Variants in GMDS observed in about 807,000 individuals in gnomAD.
The protein encoded by GMDS is GDP-mannose 4,6 dehydratase.
A neutral mutation model predicts 49.9 loss-of-function variants in GMDS; 20 were observed. That is an observed-to-expected ratio of 0.40 (90% CI 0.28 to 0.58). The LOEUF (loss-of-function observed/expected upper bound fraction) is 0.58. GMDS is among the 20% of genes least tolerant of loss of function. GMDS has a pLI of 0.42. For missense variants in GMDS, 362 were observed against 481.4 expected (o/e 0.75, Z 2.32); for synonymous variants, 177 against 178.6 (o/e 0.99, Z 0.07).
intron 9 of GMDS, among the ~76,000 whole-genome samples, chr6:1,626,526 G>C (rs1419444158): frequency 2.0e-5 from 3 of 152,150 alleles, no homozygotes; most frequent in African/African-American, 7.2e-5. Flanking sequence ...GTCACACAAA[G>C]ATACTCATTC....
chr6:2,028,594 C>G (rs1261048192), intron 4 of GMDS, among the ~76,000 whole-genome samples: 2 of 152,096 alleles, frequency 1.3e-5, no homozygotes, highest in Non-Finnish European at 2.9e-5. Context: ...AGTCTTGTAA[C>G]GAAAGAGGAA....
chr6:2,101,127 T>C (rs900632873), intron 4 of GMDS, among the ~76,000 whole-genome samples: 1 of 151,940 alleles, frequency 6.6e-6, no homozygotes, highest in African/African-American at 2.4e-5. Context: ...TAATTTAGTA[T>C]GTAATTTATG....
intron 4 of GMDS, among the ~76,000 whole-genome samples, chr6:2,075,754 T>C (rs1359465911): frequency 6.6e-6 from 1 of 152,228 alleles, no homozygotes; most frequent in East Asian, 1.9e-4. Flanking sequence ...TGATTTATAA[T>C]TCTTTGGGTA....
intron 9 of GMDS, among the ~76,000 whole-genome samples, chr6:1,713,242 T>G (rs914961394): frequency 3.3e-5 from 5 of 152,244 alleles, no homozygotes; most frequent in Non-Finnish European, 5.9e-5. Context: ...AACCATTCCC[T>G]TGGCCACTGC....
At position 2,170,366 on chromosome 6, in the gene GMDS, C is replaced by G. The variant is rs564293372; in HGVS notation, c.103-45635G>C. On this transcript the variant is annotated intron_variant, in intron 1 of 10. Transcript: ENST00000380815. ...TTAGGCCAGGTGTACTAGCTCATAC[C>G]TATAATCTAAACATTTTGGAAGGCC... 2.0e-5 allele frequency among the ~76,000 whole-genome samples: 3 copies of G among 152,208 alleles called. No individual in the cohort carries two copies. The East Asian group carries it at 5.8e-4, about 29-fold the overall frequency.
chr6:2,147,394 T>C (rs1776612441), intron 1 of GMDS, among the ~76,000 whole-genome samples: 1 of 152,168 alleles, frequency 6.6e-6, no homozygotes, highest in Admixed American at 6.5e-5. Flanking sequence ...ATTTCAGCAG[T>C]ACGTGACATT....
intron 1 of GMDS, among the ~76,000 whole-genome samples, chr6:2,188,804 T>C (rs1182933378): frequency 6.6e-6 from 1 of 152,100 alleles, no homozygotes; most frequent in Non-Finnish European, 1.5e-5. Flanking sequence ...AGCTGGGTTA[T>C]AAGGAATGGT....
chr6:1,645,212 G>T (rs9405500), intron 9 of GMDS, among the ~76,000 whole-genome samples: 28,933 of 151,826 alleles, frequency 0.19, 3,207 homozygotes, highest in East Asian at 0.47. Context: ...GGGATTACAG[G>T]CATGAGCCAC....
chr6:2,126,649 T>C (rs555223805), intron 1 of GMDS, among the ~76,000 whole-genome samples: 1 of 152,286 alleles, frequency 6.6e-6, no homozygotes, highest in African/African-American at 2.4e-5. Context: ...TCTTCTTCTT[T>C]TTTAAGATGG....
chr6:1,910,651 C>T (rs1761004691), intron 7 of GMDS, among the ~76,000 whole-genome samples: 3 of 152,156 alleles, frequency 2.0e-5, no homozygotes, highest in Admixed American at 1.3e-4. Flanking sequence ...ACATACAGCA[C>T]AGCAGACGCT....
At chr6:1,703,788 T>C (rs1765625216) in intron 9 of GMDS, among the ~76,000 whole-genome samples, 1 of 152,256 alleles carries the variant, frequency 6.6e-6, no homozygotes, top group Admixed American at 6.5e-5. Context: ...AGCTCACCAG[T>C]GGCCGCAGGG....
At chr6:2,193,403 T>C (rs960695144) in intron 1 of GMDS, among the ~76,000 whole-genome samples, 1 of 152,178 alleles carries the variant, frequency 6.6e-6, no homozygotes, top group Non-Finnish European at 1.5e-5. Context: ...GAGTCTCCAC[T>C]GCCATCCACG....
At chr6:1,763,491 C>T (rs1023931049) in intron 7 of GMDS, among the ~76,000 whole-genome samples, 1 of 152,148 alleles carries the variant, frequency 6.6e-6, no homozygotes, top group Non-Finnish European at 1.5e-5. Context: ...TACTGTCTGG[C>T]GAGGCCACAG....
At chr6:2,091,741 AT>A (rs968285883) in intron 4 of GMDS, among the ~76,000 whole-genome samples, 7 of 151,126 alleles carry the variant, frequency 4.6e-5, no homozygotes, top group Non-Finnish European at 7.4e-5. Flanking sequence ...AAAGAAAAAA[AT>A]TTTTTTTTTA....
At chr6:1,872,225 G>T (rs191163159) in intron 7 of GMDS, among the ~76,000 whole-genome samples, 1 of 152,176 alleles carries the variant, frequency 6.6e-6, no homozygotes, top group Non-Finnish European at 1.5e-5. Context: ...CACATCCACC[G>T]GGCTGGCTAG....
chr6:1,906,223 T>G (rs937226870), intron 7 of GMDS, among the ~76,000 whole-genome samples: 1 of 152,202 alleles, frequency 6.6e-6, no homozygotes. Flanking sequence ...TAAGCCATCC[T>G]ACATATGCAT....
chr6:1,706,788 C>T (rs1280348849), intron 9 of GMDS, among the ~76,000 whole-genome samples: 1 of 152,224 alleles, frequency 6.6e-6, no homozygotes, highest in Non-Finnish European at 1.5e-5. Context: ...ATCCCAGACA[C>T]TTCCCTGAGC....
At chr6:1,700,593 A>G (rs904290033) in intron 9 of GMDS, among the ~76,000 whole-genome samples, 1 of 152,248 alleles carries the variant, frequency 6.6e-6, no homozygotes, top group Non-Finnish European at 1.5e-5. Flanking sequence ...TAGTGGGCAC[A>G]GCTAAAACAG....
At chr6:2,214,611 G>T (rs926343933) in intron 1 of GMDS, among the ~76,000 whole-genome samples, 3 of 152,046 alleles carry the variant, frequency 2.0e-5, no homozygotes, top group African/African-American at 7.2e-5. Context: ...TGTCTGCGAG[G>T]GTCCTGGAAT....
Sources: allele counts gnomAD v4.1 joint callset (sites outside exome capture counted in the v4.1 genomes callset), GRCh38; gene constraint gnomAD v4.1.1; transcripts MANE v1.5; gene names NCBI Gene and HGNC (gene_info 2026-07-23, HGNC 2026-07-21).